Variants in SPTAN1 observed in about 807,000 individuals in gnomAD.
SPTAN1 encodes spectrin alpha chain, non-erythrocytic 1.
SPTAN1 carries 61 observed loss-of-function variants against 331.3 expected under a neutral mutation model. The observed-to-expected ratio is 0.18, with a 90% CI of 0.15 to 0.23. SPTAN1 has a LOEUF of 0.23. Ranked by LOEUF, SPTAN1 falls within the 10% of genes least tolerant of loss-of-function variation. The probability of loss-of-function intolerance (pLI) is 1.00; values close to 1 mark genes in which losing one functional copy is unlikely to be tolerated. For synonymous variants in SPTAN1, 1,153 were observed against 1,173.9 expected (o/e 0.98, Z 0.36); for missense variants, 2,043 against 3,147.9 (o/e 0.65, Z 8.40).
At chr9:128,610,620 T>G (rs1398467886) in intron 37 of SPTAN1, among the ~76,000 whole-genome samples, 1 of 152,180 alleles carries the variant, frequency 6.6e-6, no homozygotes, top group East Asian at 1.9e-4. Flanking sequence ...CCCAGCCAAT[T>G]GTTTTTCCCA....
At chr9:128,587,567 A>G (rs977476944) in intron 19 of SPTAN1, 39 bp from the exon 20 acceptor site, 4 of 1,577,438 alleles carry the variant, frequency 2.5e-6, no homozygotes, top group Middle Eastern at 2.1e-4. Context: ...GGGAGGCTTC[A>G]GCCCCTGCAC....
chr9:128,554,666 C>A (rs1156511150), intron 1 of SPTAN1, among the ~76,000 whole-genome samples: 1 of 152,224 alleles, frequency 6.6e-6, no homozygotes, highest in Non-Finnish European at 1.5e-5. Context: ...ACGCACTCAT[C>A]TGTTGCAGCA....
chr9:128,626,769 G>A, intron 49 of SPTAN1, 82 bp downstream of exon 49: 2 of 1,260,960 alleles, frequency 1.6e-6, no homozygotes, highest in South Asian at 2.6e-5. Flanking sequence ...ACTTAACTGA[G>A]TCACGACAAG....
intron 20 of SPTAN1, 145 bp from the exon 21 acceptor site, chr9:128,588,663 AT>A (rs755106605): frequency 7.3e-6 from 9 of 1,230,708 alleles, no homozygotes; most frequent in Non-Finnish European, 8.2e-6. Context: ...CTTGGATCAG[AT>A]TTTATTGGTA....
chr9:128,569,925 T>C (rs1850455557), intron 3 of SPTAN1, among the ~76,000 whole-genome samples: 3 of 152,168 alleles, frequency 2.0e-5, no homozygotes, highest in Non-Finnish European at 4.4e-5. Context: ...TGAATAATTA[T>C]TAACTATTAC....
At chr9:128,597,297 C>G (rs2131413621) in intron 24 of SPTAN1, among the ~76,000 whole-genome samples, 1 of 152,300 alleles carries the variant, frequency 6.6e-6, no homozygotes, top group East Asian at 1.9e-4. Flanking sequence ...AGCCACCACA[C>G]CTGGCCTCAT....
In SPTAN1 at chr9:128,632,795, C is replaced by G. The variant is rs1489017459; in HGVS notation, c.7161-13C>G. The stretch of plus-strand genomic sequence containing the variant: ...GCCCTCCCTGCTCAGGCTCTTGCTT[C>G]CCCCGCTCCTAGAGATGGCCATGTC... On this transcript the variant is annotated splice_polypyrimidine_tract_variant and intron_variant, in intron 55 of 56. Coordinates refer to ENST00000372739, the MANE Select transcript of SPTAN1 (RefSeq NM_001130438.3). 8.7e-6 allele frequency: 14 copies of G among 1,613,948 alleles called. No homozygotes were observed. Among genetic ancestry groups the G allele is most frequent in the Non-Finnish European group, 1.2e-5 (14 of 1,180,050 alleles).
Position 128,633,573 on chromosome 9 carries a change from AAGC to A in SPTAN1, c.*243_*245del. The A allele has an allele frequency of 1.2e-5, 13 of 1,070,908 alleles. 1 individual carries two copies. Among genetic ancestry groups the A allele is most frequent in the Non-Finnish European group, 1.6e-5 (12 of 733,480 alleles). 66.3% of individuals were successfully genotyped at this position (1,070,908 alleles called of 1,614,324 possible). A position where few individuals can be genotyped will look rare whatever the true frequency, so the allele number is the denominator to read the frequency against. On this transcript the variant is annotated 3_prime_UTR_variant, in exon 57 of 57. Transcript: ENST00000372739. Reference sequence around the variant, plus strand: ...CCCTCATTCCGACTTCAGAAAATCGAAGCAGCTGGCTCCTCCCCTTGTTCTCTC... The same window carrying A: ...CCCTCATTCCGACTTCAGAAAATCGAAGCTGGCTCCTCCCCTTGTTCTCTC...
intron 44 of SPTAN1, among the ~76,000 whole-genome samples, chr9:128,619,649 G>C (rs953665): frequency 0.72 from 108,994 of 152,140 alleles, 43,273 homozygotes; most frequent in Non-Finnish European, 0.9. Context: ...TAGGGTCCAC[G>C]CTAATGACCT....
rs1194157553 is a variant in SPTAN1 at position 128,627,179 on chromosome 9, C to G, written c.6577-207C>G. On this transcript the variant is annotated intron_variant, in intron 49 of 56. Coordinates refer to ENST00000372739, the MANE Select transcript of SPTAN1 (RefSeq NM_001130438.3). This position sits in a 1 kb window ranked among gnomAD's most constrained non-coding sequence, Gnocchi z 4.9. ...CTGACCAGTCGCTTCCCTCCAGGTC[C>G]GCCTCTTCCTTGAAGCCCCTGGGGG... 1.6e-6 allele frequency: 1 copy of G among 642,594 alleles called. No individual in the cohort carries two copies. Among genetic ancestry groups the G allele is most frequent in the Non-Finnish European group, 2.8e-6 (1 of 351,374 alleles). The allele number at this position is 642,594 out of a possible 1,614,324, so 39.8% of individuals were successfully genotyped here.
In SPTAN1 at chr9:128,633,369, C is replaced by T. The variant is rs561200872; in HGVS notation, c.*35C>T. The T allele has an allele frequency of 9.9e-6, 16 of 1,613,100 alleles. No individual in the cohort carries two copies. In the African/African-American group the frequency reaches 2.1e-4, roughly 21 times the overall value. ...TGGGTCACCCACCCCTCGCTGCTTG[C>T]CCTGCGTCGCCTTGCTGCATGTCCG... On this transcript the variant is annotated 3_prime_UTR_variant, in exon 57 of 57. Transcript: ENST00000372739.
At chr9:128,605,561 C>T (rs887319576) in intron 31 of SPTAN1, 84 bp downstream of exon 31, 72 of 1,530,940 alleles carry the variant, frequency 4.7e-5, no homozygotes, top group Non-Finnish European at 6.0e-5. Context: ...AGTACATGCT[C>T]AGCAGGGTAC....
intron 3 of SPTAN1, among the ~76,000 whole-genome samples, chr9:128,573,784 C>G (rs111395012): frequency 1.3e-5 from 2 of 151,422 alleles, no homozygotes; most frequent in African/African-American, 4.9e-5. Context: ...GACGGAGTCT[C>G]GCTCTGTCGC....
intron 48 of SPTAN1, 125 bp downstream of exon 48, chr9:128,626,103 A>C (rs1858692273): frequency 8.2e-7 from 1 of 1,217,920 alleles, no homozygotes; most frequent in Non-Finnish European, 1.2e-6. Context: ...GCTTTCAAAC[A>C]TGGGTGTGGC....
intron 19 of SPTAN1, among the ~76,000 whole-genome samples, chr9:128,587,021 AC>A: frequency 6.6e-6 from 1 of 152,074 alleles, no homozygotes; most frequent in East Asian, 1.9e-4. Context: ...GGGTTTCACC[AC>A]ATTGGCCAGT....
chr9:128,557,185 C>G (rs1026230189), intron 1 of SPTAN1, among the ~76,000 whole-genome samples: 1 of 152,228 alleles, frequency 6.6e-6, no homozygotes, highest in African/African-American at 2.4e-5. Context: ...AAATCCCTTT[C>G]TTGCAAAACT....
intron 52 of SPTAN1, 76 bp downstream of exon 52, chr9:128,630,451 G>A: frequency 6.7e-7 from 1 of 1,488,604 alleles, no homozygotes; most frequent in Non-Finnish European, 9.4e-7. Context: ...TCCCTTCCTG[G>A]CTTAAAGTCA....
intron 45 of SPTAN1, among the ~76,000 whole-genome samples, chr9:128,623,243 T>G (rs867319799): frequency 6.6e-6 from 1 of 151,606 alleles, no homozygotes; most frequent in South Asian, 2.1e-4. Context: ...TTTTTTCTTT[T>G]TTTTTTTTAA....
chr9:128,563,014 A>ATG (rs1849597645), intron 1 of SPTAN1, among the ~76,000 whole-genome samples: 1 of 140,360 alleles, frequency 7.1e-6, no homozygotes, highest in African/African-American at 2.7e-5. Context: ...ATATATATAT[A>ATG]TATATATATA....
Sources: allele counts gnomAD v4.1 joint callset (sites outside exome capture counted in the v4.1 genomes callset), GRCh38; gene constraint gnomAD v4.1.1; non-coding constraint Gnocchi (gnomAD v3.1); transcripts MANE v1.5; gene names NCBI Gene and HGNC (gene_info 2026-07-23, HGNC 2026-07-21).